KIF26A: variants seen among roughly 807,000 people sequenced by gnomAD.
The protein encoded by KIF26A is kinesin family member 26A.
KIF26A carries 74 observed loss-of-function variants against 126.0 expected under a neutral mutation model. That is an observed-to-expected ratio of 0.59 (90% CI 0.49 to 0.71). KIF26A has a LOEUF of 0.71. Ranked by LOEUF, KIF26A falls within the 30% of genes least tolerant of loss-of-function variation. The probability of loss-of-function intolerance (pLI) is 0.00; values close to 1 mark genes in which losing one functional copy is unlikely to be tolerated. For missense variants in KIF26A, 2,984 were observed against 2,763.3 expected (o/e 1.08, Z -1.79); for synonymous variants, 1,445 against 1,232.7 (o/e 1.17, Z -3.61).
At chr14:104,167,741 G>A (rs971092965) in intron 5 of KIF26A, among the ~76,000 whole-genome samples, 2 of 152,166 alleles carry the variant, frequency 1.3e-5, no homozygotes, top group Admixed American at 6.5e-5. Context: ...TGTGCCCATG[G>A]AGGGTGGGAA....
chr14:104,154,541 G>A (rs1348728018), intron 3 of KIF26A, among the ~76,000 whole-genome samples: 1 of 152,318 alleles, frequency 6.6e-6, no homozygotes, highest in East Asian at 1.9e-4. Flanking sequence ...GGCCGGGGCA[G>A]CGCTGCCGTT....
In KIF26A at chr14:104,180,801, C is replaced by T. The variant is rs760085344; in HGVS notation, c.*1011C>T. 2 of 154,306 alleles carry T rather than the reference C, an allele frequency of 1.3e-5. No individual in the cohort carries two copies. Among genetic ancestry groups the T allele is most frequent in the East Asian group, 1.9e-4 (1 of 5,186 alleles). The allele number at this position is 154,306 out of a possible 1,614,324, so 9.6% of individuals were successfully genotyped here. A position where few individuals can be genotyped will look rare whatever the true frequency, so the allele number is the denominator to read the frequency against. On this transcript the variant is annotated 3_prime_UTR_variant, in exon 15 of 15. Coordinates refer to ENST00000423312, the MANE Select transcript of KIF26A (RefSeq NM_015656.2). ...CGACAGGCTCATACTTTCTGAGGAT[C>T]GTGCATAGCATAGGACGTCTGAACC...
intron 2 of KIF26A, among the ~76,000 whole-genome samples, chr14:104,141,383 A>G (rs755840571): frequency 1.3e-5 from 2 of 152,224 alleles, no homozygotes; most frequent in Non-Finnish European, 2.9e-5. Flanking sequence ...AGCTGTTTAC[A>G]GGGAACTTCA....
In KIF26A at chr14:104,175,215, A is replaced by C; in HGVS notation, c.2427A>C (p.Glu809Asp). Residue 809 changes from glutamate to aspartate, a missense_variant, in exon 12 of 15, where the codon GAA becomes GAC. Glu to Asp is a conservative substitution (Grantham distance 45, BLOSUM62 2). Coordinates refer to ENST00000423312, the MANE Select transcript of KIF26A (RefSeq NM_015656.2). ...ALSDRELTDN[E>D]GPPDFVPIIP... is the part of the protein sequence containing the mutation. Reference sequence around the variant, plus strand: ...CAGACCGGGAGCTCACCGACAACGAAGGTCCGCCTGACTTCGTGCCCATCA... The same window carrying C: ...CAGACCGGGAGCTCACCGACAACGACGGTCCGCCTGACTTCGTGCCCATCA... 2 of 1,609,972 alleles carry C rather than the reference A, an allele frequency of 1.2e-6. No individual in the cohort carries two copies. Among genetic ancestry groups the C allele is most frequent in the Non-Finnish European group, 1.7e-6 (2 of 1,179,376 alleles).
chr14:104,156,116 C>A (rs1028970809), intron 3 of KIF26A, among the ~76,000 whole-genome samples: 1 of 152,220 alleles, frequency 6.6e-6, no homozygotes, highest in African/African-American at 2.4e-5. Context: ...GTGCTGACTG[C>A]CATGCCCAGG....
Position 104,159,083 on chromosome 14 carries a change from CG to C in KIF26A, c.923+1144del, listed in dbSNP as rs142003433. Among the ~76,000 whole-genome samples the C allele has an allele frequency of 3.9e-3, 586 of 152,194 alleles. 3 individuals are homozygous for C. Among genetic ancestry groups the C allele is most frequent in the African/African-American group, 0.013 (526 of 41,554 alleles). ...TAGGGCATTGTCGCACGCCGTGTGCCGGGCTGAGGGCTGATGAGCACACCAT... is the reference window on the plus strand; with the variant it reads ...TAGGGCATTGTCGCACGCCGTGTGCCGGCTGAGGGCTGATGAGCACACCAT... On this transcript the variant is annotated intron_variant, in intron 4 of 14. Coordinates refer to ENST00000423312, the MANE Select transcript of KIF26A (RefSeq NM_015656.2).
intron 12 of KIF26A, among the ~76,000 whole-genome samples, 164 bp from the exon 13 acceptor site, chr14:104,178,386 C>T (rs533317773): frequency 1.1e-3 from 165 of 152,296 alleles, no homozygotes; most frequent in South Asian, 2.9e-3. Context: ...GGCTTGGGGT[C>T]GGCTTCCTCC....
rs1322035294 is a variant in KIF26A, at chr14:104,174,204, C to T, written c.2087C>T (p.Thr696Ile). 1.3e-6 allele frequency: 2 copies of T among 1,588,364 alleles called. No individual in the cohort carries two copies. The highest frequency in any genetic ancestry group is 1.8e-5 in the Admixed American group (1 of 56,874). The change falls in exon 11 of 15, where the codon ACC becomes ATC. Residue 696 changes from threonine (T) to isoleucine (I), a missense_variant. Physicochemically the swap from Thr to Ile is moderately conservative, Grantham distance 89. Coordinates refer to ENST00000423312, the MANE Select transcript of KIF26A (RefSeq NM_015656.2). ...TCCCTGGCCACCGCTGGCTGCCGCA[C>T]CACCATGATCGCCCACGTGTCGGAT... is the stretch of plus-strand genomic sequence containing the variant. ...RESLATAGCR[T>I]TMIAHVSDAP...
At position 104,157,794 on chromosome 14, in the gene KIF26A, G is replaced by C. The variant is rs1200906188; in HGVS notation, c.775G>C (p.Val259Leu). Residue 259 changes from valine to leucine, a missense_variant, in exon 4 of 15, where the codon GTC (valine) becomes CTC (leucine). Coordinates refer to ENST00000423312, the MANE Select transcript of KIF26A (RefSeq NM_015656.2). ...GGCGGCCGTGGCGGTGGCAGACACG[G>C]TCCGAGAATGCCCCCCCGTGGCCGG... ...AVAAVAVADT[V>L]RECPPVAGPD... 18 of 1,610,440 alleles carry C rather than the reference G, an allele frequency of 1.1e-5. No individual in the cohort carries two copies. The highest frequency in any genetic ancestry group is 1.5e-5 in the Non-Finnish European group (18 of 1,178,920).
chr14:104,144,032 G>A (rs1044768924), intron 2 of KIF26A, among the ~76,000 whole-genome samples: 7 of 152,236 alleles, frequency 4.6e-5, no homozygotes, highest in African/African-American at 1.4e-4. Flanking sequence ...AGGAAGCCTG[G>A]GTGGGCCCAG....
intron 5 of KIF26A, among the ~76,000 whole-genome samples, chr14:104,167,738 A>T (rs950558475): frequency 6.6e-6 from 1 of 152,076 alleles, no homozygotes; most frequent in African/African-American, 2.4e-5. Flanking sequence ...CTTTGTGCCC[A>T]TGGAGGGTGG....
rs778425716 is a variant in KIF26A at position 104,172,601 on chromosome 14, C to G, written c.1353C>G (p.Ala451=). 5.0e-6 allele frequency: 8 copies of G among 1,613,132 alleles called. No homozygotes were observed. The highest frequency in any genetic ancestry group is 1.6e-4 in the Middle Eastern group (1 of 6,062). The change falls in exon 7 of 15, where the codon GCC becomes GCG. Residue 451 remains alanine (A), a synonymous_variant. Coordinates refer to ENST00000423312, the MANE Select transcript of KIF26A (RefSeq NM_015656.2). ...EQAEVCSGTV[A]DVLQSVVSGA... ...CCGAAGTCTGCTCGGGGACCGTGGC[C>G]GACGTGCTCCAGTCGGTGGTCAGTG...
chr14:104,144,883 C>T (rs1288598041), intron 2 of KIF26A, among the ~76,000 whole-genome samples: 1 of 152,232 alleles, frequency 6.6e-6, no homozygotes, highest in African/African-American at 2.4e-5. Flanking sequence ...TCTGCTTCAG[C>T]CTGTTCATCT....
intron 5 of KIF26A, among the ~76,000 whole-genome samples, chr14:104,167,348 G>T (rs2037917038): frequency 6.6e-6 from 1 of 152,072 alleles, no homozygotes; most frequent in Non-Finnish European, 1.5e-5. Context: ...ACTAAGGTTG[G>T]GTTTGATCCA....
chr14:104,172,943 G>A (rs35249579), intron 7 of KIF26A, 34 bp from the exon 8 acceptor site: 42,791 of 1,546,880 alleles, frequency 0.028, 737 homozygotes, highest in Middle Eastern at 0.035. Context: ...CTTGCGTGGT[G>A]TGTGGTGGGG....
rs1255891401 is a variant in KIF26A at position 104,179,600 on chromosome 14, C to T, written c.5468-9C>T. On this transcript the variant is annotated splice_polypyrimidine_tract_variant and intron_variant, in intron 14 of 14. Coordinates refer to ENST00000423312, the MANE Select transcript of KIF26A (RefSeq NM_015656.2). ...CGCAGGTGCCCCTCCCCTCTCCTCC[C>T]CTCCCCAGTTGAGGTGGACCCGGAG... 1 of 1,513,914 alleles carries T rather than the reference C, an allele frequency of 6.6e-7. No homozygotes were observed. Among genetic ancestry groups the T allele is most frequent in the Admixed American group, 2.1e-5 (1 of 47,652 alleles). The allele number at this position is 1,513,914 out of a possible 1,614,324, so 93.8% of individuals were successfully genotyped here. A position where few individuals can be genotyped will look rare whatever the true frequency, so the allele number is the denominator to read the frequency against.
Position 104,175,890 on chromosome 14 carries a change from C to T in KIF26A, c.3102C>T (p.Phe1034=). The change falls in exon 12 of 15, where the codon TTC becomes TTT. Residue 1034 remains phenylalanine (F), a synonymous_variant. Coordinates refer to ENST00000423312, the MANE Select transcript of KIF26A (RefSeq NM_015656.2). ...VELNGEDELV[F]TVVEELSLGA... is the part of the protein sequence containing the mutation. ...TCAACGGCGAGGACGAGCTGGTGTTCACGGTGGTGGAGGAGCTGTCCCTGG... is the reference window on the plus strand; with the variant it reads ...TCAACGGCGAGGACGAGCTGGTGTTTACGGTGGTGGAGGAGCTGTCCCTGG... 6.5e-7 allele frequency: 1 copy of T among 1,542,324 alleles called. No homozygotes were observed. The highest frequency in any genetic ancestry group is 1.2e-5 in the South Asian group (1 of 84,314).
intron 5 of KIF26A, among the ~76,000 whole-genome samples, chr14:104,169,462 C>G (rs1226735933): frequency 6.6e-6 from 1 of 152,178 alleles, no homozygotes; most frequent in African/African-American, 2.4e-5. Context: ...GCAGTCACAC[C>G]CCCACCCTGC....
chr14:104,138,796 G>A, intron 1 of KIF26A, 32 bp downstream of exon 1: 1 of 1,259,832 alleles, frequency 7.9e-7, no homozygotes. Context: ...GAGGGAGGCG[G>A]GCGGCGGGGG....
Sources: gnomAD v4.1 joint callset for allele counts (sites outside exome capture counted in the v4.1 genomes callset) on GRCh38, gnomAD v4.1.1 for gene constraint, MANE v1.5 for transcripts, NCBI Gene and HGNC (gene_info 2026-07-23, HGNC 2026-07-21) for gene names.